NEK11: variants seen among roughly 807,000 people sequenced by gnomAD.
NEK11 encodes serine/threonine-protein kinase Nek11.
A neutral mutation model predicts 80.7 loss-of-function variants in NEK11; 72 were observed. The ratio of observed to expected loss-of-function variants is 0.89; its 90% CI spans 0.74 to 1.08. The LOEUF is 1.08. NEK11 is among the 50% of genes least tolerant of loss of function. The pLI is 0.00. For synonymous variants in NEK11, 251 were observed against 260.7 expected (o/e 0.96, Z 0.36); for missense variants, 764 against 763.6 (o/e 1.00, Z -0.01).
intron 5 of NEK11, among the ~76,000 whole-genome samples, chr3:131,114,198 C>A (rs1304567946): frequency 6.6e-6 from 1 of 152,050 alleles, no homozygotes; most frequent in Non-Finnish European, 1.5e-5. Flanking sequence ...ATGTTTCCTT[C>A]AGAAAATAAA....
intron 17 of NEK11, among the ~76,000 whole-genome samples, chr3:131,289,719 C>A (rs990314831): frequency 6.6e-6 from 1 of 152,324 alleles, no homozygotes; most frequent in East Asian, 1.9e-4. Flanking sequence ...AGTTCCAGAC[C>A]TGCCAGCAGC....
chr3:131,138,249 T>C (rs144542825), intron 7 of NEK11, among the ~76,000 whole-genome samples: 2 of 152,300 alleles, frequency 1.3e-5, no homozygotes, highest in African/African-American at 2.4e-5. Flanking sequence ...TAGGCCTTAA[T>C]TGAGCATCAG....
chr3:131,274,784 G>A (rs1308327685), intron 17 of NEK11, among the ~76,000 whole-genome samples: 2 of 151,326 alleles, frequency 1.3e-5, no homozygotes, highest in African/African-American at 4.9e-5. Context: ...CTCCCGAGTA[G>A]CTGGGACTAC....
intron 17 of NEK11, among the ~76,000 whole-genome samples, chr3:131,320,756 G>A (rs980843908): frequency 1.3e-5 from 2 of 151,922 alleles, no homozygotes; most frequent in Admixed American, 6.6e-5. Context: ...TTACAATAGC[G>A]AGACAAAAAA....
At chr3:131,177,932 T>C (rs2150133968) in intron 14 of NEK11, among the ~76,000 whole-genome samples, 1 of 152,338 alleles carries the variant, frequency 6.6e-6, no homozygotes, top group South Asian at 2.1e-4. Context: ...AGAGTATACT[T>C]GCACATACCT....
chr3:131,120,744 G>A (rs35296862), intron 5 of NEK11, among the ~76,000 whole-genome samples: 28,000 of 151,754 alleles, frequency 0.18, 2,674 homozygotes, highest in Middle Eastern at 0.22. Flanking sequence ...TCAATTACTG[G>A]TACCCTTTCG....
chr3:131,049,817 T>C (rs1026853133), intron 3 of NEK11, among the ~76,000 whole-genome samples: 6 of 152,228 alleles, frequency 3.9e-5, no homozygotes. Flanking sequence ...TGAGGATTTT[T>C]TTGTTTTTTA....
At chr3:131,208,857 A>T (rs566597359) in intron 14 of NEK11, among the ~76,000 whole-genome samples, 1 of 152,100 alleles carries the variant, frequency 6.6e-6, no homozygotes, top group South Asian at 2.1e-4. Context: ...GTTTAAGGAG[A>T]TTTTGGGCTG....
chr3:131,234,765 G>A (rs183191413), intron 15 of NEK11, among the ~76,000 whole-genome samples: 2 of 152,012 alleles, frequency 1.3e-5, no homozygotes, highest in African/African-American at 2.4e-5. Context: ...CAGCACAGTG[G>A]GGTTTGTTTT....
At chr3:131,346,297 C>T (rs1055297014) in intron 17 of NEK11, among the ~76,000 whole-genome samples, 1 of 151,934 alleles carries the variant, frequency 6.6e-6, no homozygotes, top group Non-Finnish European at 1.5e-5. Context: ...ATGTTGTAAA[C>T]CTCAAATATA....
chr3:131,050,246 C>T (rs756058206), intron 3 of NEK11, among the ~76,000 whole-genome samples: 8 of 152,232 alleles, frequency 5.3e-5, no homozygotes, highest in Non-Finnish European at 1.2e-4. Context: ...TTATGAATAT[C>T]CAACAGATCA....
At chr3:131,297,707 C>G (rs1182603714) in intron 17 of NEK11, among the ~76,000 whole-genome samples, 2 of 151,222 alleles carry the variant, frequency 1.3e-5, no homozygotes, top group Admixed American at 6.6e-5. Context: ...GTTGCCATTG[C>G]TTTTGGTGTT....
At chr3:131,144,190 G>A (rs2087628907) in intron 7 of NEK11, among the ~76,000 whole-genome samples, 1 of 152,128 alleles carries the variant, frequency 6.6e-6, no homozygotes, top group Admixed American at 6.6e-5. Context: ...TGGACAGATG[G>A]CAAGTTTATG....
rs564350516 is a variant in NEK11, at chr3:131,083,403, G to A, written c.336+2815G>A. On this transcript the variant is annotated intron_variant, in intron 4 of 17. Coordinates refer to ENST00000383366, the MANE Select transcript of NEK11 (RefSeq NM_024800.5). ...GAGAGACAGCTGTGGGGCCGCCTGG[G>A]CTCTGTGTGCCACTGAGCTGGCAGG... 9.2e-5 allele frequency among the ~76,000 whole-genome samples: 14 copies of A among 152,344 alleles called. No individual in the cohort carries two copies. In the East Asian group the frequency reaches 1.2e-3, roughly 13 times the overall value.
intron 14 of NEK11, among the ~76,000 whole-genome samples, chr3:131,193,572 T>A (rs2093885169): frequency 6.6e-6 from 1 of 152,160 alleles, no homozygotes; most frequent in African/African-American, 2.4e-5. Context: ...ATAGGGTATG[T>A]AAGGTAAAAG....
At position 131,205,998 on chromosome 3, in the gene NEK11, C is replaced by T. The variant is rs566205795; in HGVS notation, c.1400-22530C>T. On this transcript the variant is annotated intron_variant, in intron 14 of 17. Coordinates refer to ENST00000383366, the MANE Select transcript of NEK11 (RefSeq NM_024800.5). ...TCACAGGATAACCATGGAATCACTG[C>T]GTATAAGTAAGGAAAATGATTTTAA... is the stretch of plus-strand genomic sequence containing the variant. Among the ~76,000 whole-genome samples the T allele has an allele frequency of 2.0e-5, 3 of 152,214 alleles. No homozygotes were observed. The South Asian group carries it at 6.2e-4, about 32-fold the overall frequency.
intron 4 of NEK11, among the ~76,000 whole-genome samples, chr3:131,101,312 G>A (rs931333484): frequency 4.6e-5 from 7 of 151,596 alleles, no homozygotes; most frequent in African/African-American, 1.2e-4. Flanking sequence ...GTTCCTTTAC[G>A]TCCAAAGTTA....
intron 3 of NEK11, among the ~76,000 whole-genome samples, chr3:131,065,490 G>C (rs1288124856): frequency 6.6e-6 from 1 of 152,102 alleles, no homozygotes; most frequent in Non-Finnish European, 1.5e-5. Context: ...GGGTATGATG[G>C]AACCAAGTGT....
chr3:131,184,473 A>G (rs1458584494), intron 14 of NEK11, among the ~76,000 whole-genome samples: 1 of 152,164 alleles, frequency 6.6e-6, no homozygotes, highest in Non-Finnish European at 1.5e-5. Context: ...ATTCCTACCT[A>G]CTTATACAGT....
Sources: gnomAD v4.1 joint callset for allele counts (sites outside exome capture counted in the v4.1 genomes callset) on GRCh38, gnomAD v4.1.1 for gene constraint, MANE v1.5 for transcripts, NCBI Gene and HGNC (gene_info 2026-07-23, HGNC 2026-07-21) for gene names.